The following UBR4 variants were observed in gnomAD, a reference collection of about 807,000 sequenced individuals.
The protein encoded by UBR4 is ubiquitin protein ligase E3 component n-recognin 4, also known as E3 ubiquitin-protein ligase UBR4.
A neutral mutation model predicts 575.6 loss-of-function variants in UBR4; 124 were observed. The observed-to-expected ratio is 0.22, with a 90% confidence interval of 0.19 to 0.25. The LOEUF is 0.25. UBR4 is among the 10% of genes least tolerant of loss of function. The probability of loss-of-function intolerance (pLI) is 1.00; values close to 1 mark genes in which losing one functional copy is unlikely to be tolerated. For synonymous variants in UBR4, 2,455 were observed against 2,473.7 expected, an observed-to-expected ratio of 0.99 and a Z score of 0.22; for missense variants, 4,818 against 6,478.8, an observed-to-expected ratio of 0.74 and a Z score of 8.80.
Position 19,157,792 on chromosome 1 carries a change from C to T in UBR4, c.5760+23G>A, listed in dbSNP as rs373355748. 78 of 1,609,052 alleles carry T rather than the reference C, an allele frequency of 4.8e-5. No homozygotes were observed. Among genetic ancestry groups the T allele is most frequent in the Non-Finnish European group, 5.7e-5 (67 of 1,176,380 alleles). On this transcript the variant is annotated intron_variant, in intron 40 of 105. Transcript: ENST00000375254. This position sits in a 1 kb window ranked among gnomAD's most constrained non-coding sequence, Gnocchi z 4.4. ...TTAAGACAATATGACCTAAAGTAAGCGCACAAGAATTGGAGGACCCACCTT... is the reference window on the plus strand; with the variant it reads ...TTAAGACAATATGACCTAAAGTAAGTGCACAAGAATTGGAGGACCCACCTT...
At chr1:19,182,070 T>G (rs1379272072) in intron 17 of UBR4, among the ~76,000 whole-genome samples, 1 of 152,256 alleles carries the variant, frequency 6.6e-6, no homozygotes, top group Non-Finnish European at 1.5e-5. Flanking sequence ...TTTGTGCTTC[T>G]GTGACTGACT....
At chr1:19,133,314 C>T (rs1489745694) in intron 60 of UBR4, among the ~76,000 whole-genome samples, 1 of 152,102 alleles carries the variant, frequency 6.6e-6, no homozygotes, top group African/African-American at 2.4e-5. Context: ...TGATTCAATA[C>T]ATGAAACACA....
intron 67 of UBR4, 150 bp downstream of exon 67, chr1:19,121,784 T>C (rs989162763): frequency 2.1e-5 from 22 of 1,025,228 alleles, no homozygotes; most frequent in Non-Finnish European, 3.0e-5. Flanking sequence ...TTTAGATTTT[T>C]ACTTGTCTTC....
In UBR4 at chr1:19,084,586, C is replaced by A. The variant is rs758431230; in HGVS notation, c.14926G>T (p.Ala4976Ser). The change falls in exon 102 of 106, where the codon GCA (alanine) becomes TCA (serine). Residue 4976 changes from alanine to serine, a missense_variant. By Grantham distance (99) the Ala-to-Ser change is moderately conservative (BLOSUM62 1). Transcript: ENST00000375254. ...LRFAMEQSFSADTGGGGRESN... is the reference protein window; with the variant it reads ...LRFAMEQSFSSDTGGGGRESN... ...TCCCGGCCGCCCCCGCCAGTGTCTG[C>A]GCTGAACGACTGCTCCATGGCGAAG... The A allele has an allele frequency of 2.5e-6, 4 of 1,614,086 alleles. No individual in the cohort carries two copies. Among genetic ancestry groups the A allele is most frequent in the South Asian group, 1.1e-5 (1 of 91,084 alleles).
chr1:19,089,037 G>C lies in UBR4; in HGVS notation c.14212-60C>G, dbSNP rs373106233. The C allele has an allele frequency of 1.2e-4, 185 of 1,556,246 alleles. No homozygotes were observed. The highest frequency in any genetic ancestry group is 1.5e-4 in the Non-Finnish European group (175 of 1,141,058). On this transcript the variant is annotated intron_variant, in intron 97 of 105. Coordinates refer to ENST00000375254, the MANE Select transcript of UBR4 (RefSeq NM_020765.3). The surrounding 1 kb of genome is among the most constrained non-coding windows in gnomAD (Gnocchi z 4.3). ...AATTATGTAGACAAACCTTCTTCCC[G>C]GGAGCTTAAAGGTTTAGAAACTCAA...
rs1557459482 is a variant in UBR4 at position 19,077,997 on chromosome 1, A to G, written c.15303T>C (p.Asp5101=). The G allele has an allele frequency of 6.2e-7, 1 of 1,614,058 alleles. No homozygotes were observed. The highest frequency in any genetic ancestry group is 8.5e-7 in the Non-Finnish European group (1 of 1,179,974). The change falls in exon 104 of 106, where the codon GAT becomes GAC. Residue 5101 remains aspartate, a synonymous_variant. Coordinates refer to ENST00000375254, the MANE Select transcript of UBR4 (RefSeq NM_020765.3). Reference sequence around the variant, plus strand: ...TTACCTTAAACATGTTGTAAATGAGATCGACGAGGGCCCAAAAGAGAAGGG... The same window carrying G: ...TTACCTTAAACATGTTGTAAATGAGGTCGACGAGGGCCCAAAAGAGAAGGG... The part of the protein sequence containing the change: ...RSSLLFWALV[D]LIYNMFKKVP...
chr1:19,146,838 G>C lies in UBR4; in HGVS notation c.7792C>G (p.Gln2598Glu), dbSNP rs1462636868. The change falls in exon 52 of 106, where the codon CAG becomes GAG. Residue 2598 changes from glutamine to glutamate, a missense_variant. Physicochemically the swap from Gln to Glu is conservative, Grantham distance 29. This residue lies in a region of UBR4 where 340 missense variants were observed against 375.4 expected (regional missense o/e 0.91). Transcript: ENST00000375254. ...AGGCCAAGTTCACCTGTTTCCATCTGGGGCAGCTTTGACTCCGTAAAGTGG... is the reference window on the plus strand; with the variant it reads ...AGGCCAAGTTCACCTGTTTCCATCTCGGGCAGCTTTGACTCCGTAAAGTGG... ...LVHFTESKLP[Q>E]METEGMDEGK... 2 of 1,613,318 alleles carry C rather than the reference G, an allele frequency of 1.2e-6. No individual in the cohort carries two copies. The highest frequency in any genetic ancestry group is 3.3e-5 in the Admixed American group (2 of 59,944).
At chr1:19,080,832 G>C in intron 103 of UBR4, 1 of 153,390 alleles carries the variant, frequency 6.5e-6, no homozygotes, top group Non-Finnish European at 1.5e-5. Context: ...CTTCCTTTCT[G>C]ACATGCTCTT....
At position 19,170,859 on chromosome 1, in the gene UBR4, A is replaced by T. The variant is rs751003201; in HGVS notation, c.3546T>A (p.Asn1182Lys). 1.5e-5 allele frequency: 25 copies of T among 1,614,082 alleles called. No individual in the cohort carries two copies. The Admixed American group carries it at 4.2e-4, about 27-fold the overall frequency. ...FTRAYLLQNF[N>K]EEGTTEKPSK... Reference sequence around the variant, plus strand: ...AAGGTTTCTCAGTTGTTCCCTCTTCATTAAAGTTTTGCAGCAAATAGGCTC... The same window carrying T: ...AAGGTTTCTCAGTTGTTCCCTCTTCTTTAAAGTTTTGCAGCAAATAGGCTC... Residue 1182 changes from asparagine to lysine, a missense_variant, in exon 26 of 106, where the codon AAT becomes AAA. This residue lies in a region of UBR4 where 1,172 missense variants were observed against 1,259.7 expected (regional missense o/e 0.93). Coordinates refer to ENST00000375254, the MANE Select transcript of UBR4 (RefSeq NM_020765.3).
chr1:19,156,508 T>C, intron 41 of UBR4, 85 bp from the exon 42 acceptor site: 1 of 1,502,420 alleles, frequency 6.7e-7, no homozygotes, highest in Non-Finnish European at 9.0e-7. Context: ...GTTCCCTTTT[T>C]TCCTCTAATA....
intron 18 of UBR4, 83 bp from the exon 19 acceptor site, chr1:19,177,826 A>C: frequency 6.9e-7 from 1 of 1,448,312 alleles, no homozygotes; most frequent in Non-Finnish European, 9.3e-7. Context: ...AGAAGAGTTA[A>C]ATTTCCTAAA....
chr1:19,078,500 C>A, intron 103 of UBR4: 1 of 165,906 alleles, frequency 6.0e-6, no homozygotes, highest in Non-Finnish European at 1.3e-5. Context: ...TCTTTACATT[C>A]CCACTAGGAG....
intron 69 of UBR4, 83 bp from the exon 70 acceptor site, chr1:19,119,784 A>T: frequency 7.9e-6 from 12 of 1,512,780 alleles, no homozygotes; most frequent in Non-Finnish European, 1.1e-5. Flanking sequence ...CTGGTACCTC[A>T]ATTTCCCCAC....
At chr1:19,092,975 C>A in intron 96 of UBR4, 57 bp from the exon 97 acceptor site, 1 of 1,504,014 alleles carries the variant, frequency 6.6e-7, no homozygotes. Flanking sequence ...TACCTAGAAA[C>A]CAGTTGTTGA....
intron 18 of UBR4, among the ~76,000 whole-genome samples, chr1:19,178,473 G>A (rs1275195058): frequency 6.6e-6 from 1 of 152,158 alleles, no homozygotes; most frequent in African/African-American, 2.4e-5. Flanking sequence ...GCGGGTCTTT[G>A]GCACTCAAGA....
At chr1:19,197,548 G>C (rs2092534550) in intron 7 of UBR4, 122 bp downstream of exon 7, 1 of 1,388,708 alleles carries the variant, frequency 7.2e-7, no homozygotes, top group African/African-American at 1.4e-5. Context: ...AGAACTGCTT[G>C]AACCAGGAGA....
chr1:19,151,358 G>T, intron 48 of UBR4: 1 of 500,372 alleles, frequency 2.0e-6, no homozygotes, highest in Non-Finnish European at 3.7e-6. Flanking sequence ...GCCTCCTCTC[G>T]GCCTAAACAC....
chr1:19,077,767 CAAACA>C (rs1368910650), intron 104 of UBR4: 1 of 1,495,114 alleles, frequency 6.7e-7, no homozygotes, highest in Non-Finnish European at 8.9e-7. Flanking sequence ...CAAACAAAAC[CAAACA>C]AAACAAATGT....
rs778483232 is a variant in UBR4 at position 19,156,424 on chromosome 1, C to T, written c.5920-1G>A. 6.2e-7 allele frequency: 1 copy of T among 1,612,094 alleles called. No homozygotes were observed. Among genetic ancestry groups the T allele is most frequent in the Non-Finnish European group, 8.5e-7 (1 of 1,179,292 alleles). Reference sequence around the variant, plus strand: ...TACTAAAGGTGAGCACATGACAGTCCTGGACAATGTTTAAGAAACAAAATG... The same window carrying T: ...TACTAAAGGTGAGCACATGACAGTCTTGGACAATGTTTAAGAAACAAAATG... On this transcript the variant is annotated splice_acceptor_variant, in intron 41 of 105. Coordinates refer to ENST00000375254, the MANE Select transcript of UBR4 (RefSeq NM_020765.3). LOFTEE classifies it high-confidence loss of function.
Sources: gnomAD v4.1 joint callset for allele counts (sites outside exome capture counted in the v4.1 genomes callset) on GRCh38, gnomAD v4.1.1 for gene constraint, gnomAD v4.1.1 regional missense constraint, Gnocchi (gnomAD v3.1) non-coding constraint, MANE v1.5 for transcripts, NCBI Gene and HGNC (gene_info 2026-07-23, HGNC 2026-07-21) for gene names.